The following WDR82 variants were observed in gnomAD, a reference collection of about 807,000 sequenced individuals.
WDR82 encodes WD repeat domain 82, also known as WD repeat-containing protein 82.
Under a neutral mutation model 36.1 loss-of-function variants are expected in WDR82, and 8 were observed. The observed-to-expected ratio is 0.22, with a 90% confidence interval of 0.13 to 0.40. WDR82 has a LOEUF of 0.40. WDR82 is among the 10% of genes least tolerant of loss of function. The pLI, the probability that WDR82 is intolerant of heterozygous loss-of-function variation, is 1.00. For missense variants in WDR82, 185 were observed against 400.5 expected (o/e 0.46, Z 4.59); for synonymous variants, 129 against 137.8 (o/e 0.94, Z 0.45).
At chr3:52,277,659 T>C (rs1235500206) in intron 1 of WDR82, among the ~76,000 whole-genome samples, 4 of 152,194 alleles carry the variant, frequency 2.6e-5, no homozygotes, top group African/African-American at 4.8e-5. Context: ...AAATAAATCC[T>C]GACAGCTAAG....
At chr3:52,261,254 A>G (rs1416102155) in intron 4 of WDR82, 126 bp downstream of exon 4, 9 of 804,850 alleles carry the variant, frequency 1.1e-5, no homozygotes, top group Non-Finnish European at 1.7e-5. Context: ...GATTTTCTCC[A>G]AAGTTTAAAA....
chr3:52,274,099 C>A (rs1364171833), intron 1 of WDR82, among the ~76,000 whole-genome samples: 1 of 152,194 alleles, frequency 6.6e-6, no homozygotes, highest in South Asian at 2.1e-4. Context: ...ATTTGCTTCA[C>A]CTACCACAAA....
In WDR82 at chr3:52,257,127, G is replaced by A. The variant is rs753411803; in HGVS notation, c.*363C>T. ...CTTCCCATGCAGTTGGAGGGTAGAA[G>A]GGATGTGCGGAACTGATGACTTCAC... On this transcript the variant is annotated 3_prime_UTR_variant, in exon 9 of 9. Transcript: ENST00000296490. The A allele has an allele frequency of 1.2e-5, 3 of 252,272 alleles. No homozygotes were observed. The highest frequency in any genetic ancestry group is 6.8e-5 in the African/African-American group (3 of 44,402). The allele number at this position is 252,272 out of a possible 1,614,324, so 15.6% of individuals were successfully genotyped here.
At chr3:52,262,990 T>C (rs1403954061) in intron 3 of WDR82, among the ~76,000 whole-genome samples, 1 of 152,138 alleles carries the variant, frequency 6.6e-6, no homozygotes, top group Non-Finnish European at 1.5e-5. Context: ...TAGCCAGGCC[T>C]GGTGGCGTAC....
chr3:52,262,066 T>C (rs1275461268), intron 3 of WDR82, among the ~76,000 whole-genome samples: 1 of 152,220 alleles, frequency 6.6e-6, no homozygotes, highest in Non-Finnish European at 1.5e-5. Context: ...TGGAACATTA[T>C]TTGGCAATAA....
Position 52,257,420 on chromosome 3 carries a change from T to C in WDR82, c.*70A>G, listed in dbSNP as rs1700019261. ...GTCAAATGATCCAATCCCACTATTA[T>C]CTCAGTTCCCTCTGAGTTTCTTCCT... On this transcript the variant is annotated 3_prime_UTR_variant, in exon 9 of 9. Transcript: ENST00000296490. 6 of 1,599,140 alleles carry C rather than the reference T, an allele frequency of 3.8e-6. No homozygotes were observed. The highest frequency in any genetic ancestry group is 5.1e-6 in the Non-Finnish European group (6 of 1,166,418).
intron 3 of WDR82, among the ~76,000 whole-genome samples, chr3:52,262,476 T>G (rs983307390): frequency 7.9e-5 from 12 of 152,200 alleles, no homozygotes; most frequent in Non-Finnish European, 1.3e-4. Flanking sequence ...TTCTCAAACC[T>G]AAGTGGCATC....
intron 1 of WDR82, among the ~76,000 whole-genome samples, chr3:52,274,833 G>A (rs1355332534): frequency 6.6e-5 from 10 of 151,330 alleles, no homozygotes; most frequent in Admixed American, 4.6e-4. Context: ...ATCCAGCAGC[G>A]AGGTTGCAGC....
At chr3:52,264,543 G>A (rs1700088580) in intron 3 of WDR82, among the ~76,000 whole-genome samples, 1 of 152,172 alleles carries the variant, frequency 6.6e-6, no homozygotes, top group South Asian at 2.1e-4. Context: ...CATGTGTGAG[G>A]AGGTGGAGAT....
chr3:52,277,031 CAGCTGGAGA>C (rs1448188391), intron 1 of WDR82, among the ~76,000 whole-genome samples: 5 of 144,598 alleles, frequency 3.5e-5, no homozygotes, highest in Admixed American at 3.4e-4. Flanking sequence ...GAAAAAGGAA[CAGCTGGAGA>C]AGGTGGAGAA....
intron 6 of WDR82, 133 bp downstream of exon 6, chr3:52,259,584 G>A (rs1700042664): frequency 1.7e-6 from 2 of 1,144,938 alleles, no homozygotes; most frequent in Non-Finnish European, 2.5e-6. Flanking sequence ...TTCATGAGCA[G>A]GAAGAAAATA....
At position 52,257,123 on chromosome 3, in the gene WDR82, A is replaced by C; in HGVS notation, c.*367T>G. On this transcript the variant is annotated 3_prime_UTR_variant, in exon 9 of 9. Coordinates refer to ENST00000296490, the MANE Select transcript of WDR82 (RefSeq NM_025222.4). ...TTGGCTTCCCATGCAGTTGGAGGGTAGAAGGGATGTGCGGAACTGATGACT... is the reference window on the plus strand; with the variant it reads ...TTGGCTTCCCATGCAGTTGGAGGGTCGAAGGGATGTGCGGAACTGATGACT... The C allele has an allele frequency of 4.1e-6, 1 of 242,086 alleles. No homozygotes were observed. Among genetic ancestry groups the C allele is most frequent in the Admixed American group, 5.3e-5 (1 of 18,774 alleles). 15.0% of individuals were successfully genotyped at this position (242,086 alleles called of 1,614,324 possible).
intron 2 of WDR82, 105 bp from the exon 3 acceptor site, chr3:52,267,123 T>C: frequency 1.2e-6 from 1 of 868,852 alleles, no homozygotes; most frequent in South Asian, 1.4e-5. Context: ...TTGTATTCTA[T>C]ATCCCAAGCA....
intron 4 of WDR82, among the ~76,000 whole-genome samples, chr3:52,260,745 A>G (rs1419915879): frequency 6.6e-6 from 1 of 152,266 alleles, no homozygotes; most frequent in Non-Finnish European, 1.5e-5. Context: ...CCAGACAACA[A>G]TTTCTGATCA....
chr3:52,278,076 C>A, intron 1 of WDR82, 125 bp downstream of exon 1: 1 of 1,061,562 alleles, frequency 9.4e-7, no homozygotes, highest in East Asian at 3.1e-5. Flanking sequence ...GGAGGCGGCC[C>A]TGGCAGGAAC....
At chr3:52,258,248 A>AAAC in intron 8 of WDR82, among the ~76,000 whole-genome samples, 1 of 152,354 alleles carries the variant, frequency 6.6e-6, no homozygotes, top group East Asian at 1.9e-4. Context: ...TAGCCCAGGT[A>AAAC]GTTTGGACCT....
intron 1 of WDR82, among the ~76,000 whole-genome samples, chr3:52,275,095 C>G (rs1476449743): frequency 6.6e-6 from 1 of 152,018 alleles, no homozygotes; most frequent in Non-Finnish European, 1.5e-5. Flanking sequence ...GTGGCGCATG[C>G]CTGTAATCCC....
At chr3:52,268,387 G>A (rs186206259) in intron 2 of WDR82, 224 of 471,096 alleles carry the variant, frequency 4.8e-4, no homozygotes, top group African/African-American at 3.9e-3. Context: ...GAAACGGAGC[G>A]CTGGAGGAAC....
Position 52,259,868 on chromosome 3 carries a change from G to A in WDR82, c.548C>T (p.Pro183Leu), listed in dbSNP as rs986620762. 2.5e-6 allele frequency: 4 copies of A among 1,612,120 alleles called. No individual in the cohort carries two copies. Among genetic ancestry groups the A allele is most frequent in the Non-Finnish European group, 3.4e-6 (4 of 1,179,066 alleles). Reference protein sequence around the residue: ...LYDLRSFDKGPFATFKMQYDR... With the variant: ...LYDLRSFDKGLFATFKMQYDR... ...ATACTGCATCTTAAAGGTAGCAAAT[G>A]GCCCCTGCAAAAGATAAAAAACAGT... The change falls in exon 6 of 9, where the codon CCA (proline) becomes CTA (leucine). Residue 183 changes from proline (P) to leucine (L), a missense_variant. Transcript: ENST00000296490.
Sources: gnomAD v4.1 joint callset for allele counts (sites outside exome capture counted in the v4.1 genomes callset) on GRCh38, gnomAD v4.1.1 for gene constraint, MANE v1.5 for transcripts, NCBI Gene and HGNC (gene_info 2026-07-23, HGNC 2026-07-21) for gene names.